The following NPHS1 variants were observed in gnomAD, a reference collection of about 807,000 sequenced individuals.
The protein encoded by NPHS1 is nephrin.
A neutral mutation model predicts 139.7 loss-of-function variants in NPHS1; 107 were observed. That is an observed-to-expected ratio of 0.77 (90% confidence interval 0.66 to 0.90). The LOEUF (loss-of-function observed/expected upper bound fraction) is 0.90. Ranked by LOEUF, NPHS1 falls within the 40% of genes least tolerant of loss-of-function variation. The probability of loss-of-function intolerance (pLI) is 0.00; values close to 1 mark genes in which losing one functional copy is unlikely to be tolerated. For missense variants in NPHS1, 1,580 were observed against 1,654.2 expected (o/e 0.96, Z 0.78); for synonymous variants, 707 against 706.6 (o/e 1.00, Z -0.01).
intron 22 of NPHS1, 63 bp downstream of exon 22, chr19:35,839,174 T>C (rs1973017644): frequency 6.7e-7 from 1 of 1,495,986 alleles, no homozygotes; most frequent in Middle Eastern, 1.9e-4. Context: ...AGTATTGACT[T>C]CACCATACTA....
At chr19:35,841,150 G>T (rs182592437) in intron 20 of NPHS1, among the ~76,000 whole-genome samples, 1 of 151,830 alleles carries the variant, frequency 6.6e-6, no homozygotes, top group Non-Finnish European at 1.5e-5. Flanking sequence ...AGGCTGAGGC[G>T]GGCAGATCAC....
At chr19:35,850,279 A>G in intron 5 of NPHS1, 85 bp downstream of exon 5, 3 of 1,068,986 alleles carry the variant, frequency 2.8e-6, no homozygotes, top group Non-Finnish European at 4.4e-6. Flanking sequence ...ACCTAGCCCA[A>G]GCTTCATGCT....
rs774932492 is a variant in NPHS1 at position 35,851,460 on chromosome 19, T to C, written c.271A>G (p.Arg91Gly). The C allele has an allele frequency of 6.2e-7, 1 of 1,613,422 alleles. No homozygotes were observed. The highest frequency in any genetic ancestry group is 8.5e-7 in the Non-Finnish European group (1 of 1,179,906). ...PRYRLEGDPA[R>G]GEFHLHIEAC... ...GTCTCAGGCTCTGATCCCTTACCTC[T>C]AGCAGGGTCCCCTTCCAGGCGGTAC... Residue 91 changes from arginine (R) to glycine (G), a missense_variant, in exon 2 of 29, where the codon AGA (arginine) becomes GGA (glycine). Arg to Gly is a moderately radical substitution (Grantham distance 125). Transcript: ENST00000378910.
rs529739292 is a variant in NPHS1 at position 35,844,017 on chromosome 19, G to C, written c.2212+86C>G. ...GTTCCAGGATGGGTGGCTATCCCTG[G>C]GTGGGCGGAGCTCCCACAATGAGGA... On this transcript the variant is annotated intron_variant, in intron 16 of 28. Transcript: ENST00000378910. 48 of 1,545,784 alleles carry C rather than the reference G, an allele frequency of 3.1e-5. No individual in the cohort carries two copies. The African/African-American group carries it at 4.7e-4, about 15-fold the overall frequency.
At chr19:35,841,384 A>C (rs1973053463) in intron 20 of NPHS1, among the ~76,000 whole-genome samples, 1 of 151,976 alleles carries the variant, frequency 6.6e-6, no homozygotes, top group South Asian at 2.1e-4. Flanking sequence ...AACAACAACA[A>C]CAACAACAAC....
chr19:35,851,975 C>T lies in NPHS1; in HGVS notation c.-138G>A. 2.8e-6 allele frequency: 2 copies of T among 727,106 alleles called. No homozygotes were observed. Among genetic ancestry groups the T allele is most frequent in the South Asian group, 3.2e-5 (2 of 62,006 alleles). The allele number at this position is 727,106 out of a possible 1,614,324, so 45.0% of individuals were successfully genotyped here. The stretch of plus-strand genomic sequence containing the variant: ...CTCTTTCCGTTACTCTCCTCCCTTT[C>T]TCGTTTTCCTCTTCCCCTCTTCCCT... On this transcript the variant is annotated 5_prime_UTR_variant, in exon 1 of 29. Transcript: ENST00000378910.
rs1230356353 is a variant in NPHS1, at chr19:35,842,106, G to T, written c.2663+18C>A. 6.3e-7 allele frequency: 1 copy of T among 1,598,082 alleles called. No homozygotes were observed. Among genetic ancestry groups the T allele is most frequent in the Non-Finnish European group, 8.5e-7 (1 of 1,173,332 alleles). On this transcript the variant is annotated intron_variant, in intron 19 of 28. Transcript: ENST00000378910. ...CAGACCTGGGGCTGGAGTGCTGCCTGGCTGGGCTTGGGCTCACCTGGGATC... is the reference window on the plus strand; with the variant it reads ...CAGACCTGGGGCTGGAGTGCTGCCTTGCTGGGCTTGGGCTCACCTGGGATC...
At chr19:35,832,941 G>A (rs530501131) in intron 23 of NPHS1, among the ~76,000 whole-genome samples, 2 of 148,006 alleles carry the variant, frequency 1.4e-5, no homozygotes. Context: ...CTGGAGTGCA[G>A]TGGCATGATC....
Position 35,826,413 on chromosome 19 carries a change from T to A in NPHS1, c.*101A>T, listed in dbSNP as rs1301306106. On this transcript the variant is annotated 3_prime_UTR_variant, in exon 29 of 29. Coordinates refer to ENST00000378910, the MANE Select transcript of NPHS1 (RefSeq NM_004646.4). ...TCTCCTGACACCAAGTCCCTTTGGGTTTTATGGAGCTCACCTAACCAGCTC... is the reference window on the plus strand; with the variant it reads ...TCTCCTGACACCAAGTCCCTTTGGGATTTATGGAGCTCACCTAACCAGCTC... 3 of 1,430,332 alleles carry A rather than the reference T, an allele frequency of 2.1e-6. No individual in the cohort carries two copies. The highest frequency in any genetic ancestry group is 2.9e-6 in the Non-Finnish European group (3 of 1,018,286). The allele number at this position is 1,430,332 out of a possible 1,614,324, so 88.6% of individuals were successfully genotyped here.
chr19:35,843,675 C>T, intron 16 of NPHS1, 82 bp from the exon 17 acceptor site: 3 of 1,566,248 alleles, frequency 1.9e-6, no homozygotes, highest in Non-Finnish European at 2.6e-6. Context: ...GGAGGGATGT[C>T]TTAGGGGTTC....
chr19:35,851,144 T>C, intron 3 of NPHS1, 55 bp from the exon 4 acceptor site: 1 of 1,613,644 alleles, frequency 6.2e-7, no homozygotes, highest in Non-Finnish European at 8.5e-7. Flanking sequence ...ACTTGAAGAT[T>C]GGAGTTCGGT....
chr19:35,845,364 A>T lies in NPHS1; in HGVS notation c.1930+4T>A, dbSNP rs1455609844. 2.5e-6 allele frequency: 4 copies of T among 1,614,244 alleles called. No individual in the cohort carries two copies. The highest frequency in any genetic ancestry group is 1.1e-5 in the South Asian group (1 of 91,092). Reference sequence around the variant, plus strand: ...GAGAGGGGCTTTCAGGCCGGGGCACATACACAGTACGTTGAGGCGATAGAA... The same window carrying T: ...GAGAGGGGCTTTCAGGCCGGGGCACTTACACAGTACGTTGAGGCGATAGAA... On this transcript the variant is annotated splice_donor_region_variant and intron_variant, in intron 14 of 28. Coordinates refer to ENST00000378910, the MANE Select transcript of NPHS1 (RefSeq NM_004646.4). The surrounding 1 kb of genome is among the most constrained non-coding windows in gnomAD (Gnocchi z 5.5).
chr19:35,841,335 C>T (rs1973052643), intron 20 of NPHS1, among the ~76,000 whole-genome samples: 1 of 151,980 alleles, frequency 6.6e-6, no homozygotes, highest in Non-Finnish European at 1.5e-5. Context: ...ATCGCGCCAT[C>T]GCACTCCAGC....
chr19:35,825,410 G>A lies in NPHS1; in HGVS notation c.*1104C>T, dbSNP rs373820113. On this transcript the variant is annotated 3_prime_UTR_variant, in exon 29 of 29. Coordinates refer to ENST00000378910, the MANE Select transcript of NPHS1 (RefSeq NM_004646.4). ...TCACTTTTATTGAGATATCATTTAT[G>A]TACAATAAAAATGCACCCATCTTAA... is the stretch of plus-strand genomic sequence containing the variant. Among the ~76,000 whole-genome samples, 1 of 152,062 alleles carries A rather than the reference G, an allele frequency of 6.6e-6. No homozygotes were observed. The highest frequency in any genetic ancestry group is 1.9e-4 in the East Asian group (1 of 5,192).
At position 35,851,917 on chromosome 19, in the gene NPHS1, T is replaced by A; in HGVS notation, c.-80A>T. The stretch of plus-strand genomic sequence containing the variant: ...GTCTGGCTTTCTCTGGGTCCCTCTC[T>A]GTGTGTCTCTGCCACCTGCTTTTCT... On this transcript the variant is annotated 5_prime_UTR_variant, in exon 1 of 29. Transcript: ENST00000378910. 8.3e-7 allele frequency: 1 copy of A among 1,201,336 alleles called. No homozygotes were observed. Among genetic ancestry groups the A allele is most frequent in the Non-Finnish European group, 1.2e-6 (1 of 829,276 alleles). The allele number at this position is 1,201,336 out of a possible 1,614,324, so 74.4% of individuals were successfully genotyped here.
intron 23 of NPHS1, among the ~76,000 whole-genome samples, chr19:35,835,199 CAAAAAAAA>C (rs71167570): frequency 1.3e-4 from 9 of 71,228 alleles, no homozygotes; most frequent in African/African-American, 4.3e-4. Context: ...GACTCTGTCT[CAAAAAAAA>C]AAAAAAAAAA....
intron 23 of NPHS1, 56 bp downstream of exon 23, chr19:35,835,649 A>G: frequency 1.4e-6 from 2 of 1,469,440 alleles, no homozygotes; most frequent in Non-Finnish European, 1.9e-6. Flanking sequence ...AGGGTCAGAG[A>G]CCAGGAGGTT....
rs551204205 is a variant in NPHS1 at position 35,852,216 on chromosome 19, A to G, written c.-379T>C. Reference sequence around the variant, plus strand: ...AGTGTTGGGATTACAGGCGTGAGCCACTGCGCCCAGTCTCTTTATCTTTCC... The same window carrying G: ...AGTGTTGGGATTACAGGCGTGAGCCGCTGCGCCCAGTCTCTTTATCTTTCC... On this transcript the variant is annotated 5_prime_UTR_variant, in exon 1 of 29. Coordinates refer to ENST00000378910, the MANE Select transcript of NPHS1 (RefSeq NM_004646.4). Among the ~76,000 whole-genome samples the G allele has an allele frequency of 2.0e-5, 3 of 149,776 alleles. No homozygotes were observed. The highest frequency in any genetic ancestry group is 6.7e-5 in the Admixed American group (1 of 14,954).
intron 23 of NPHS1, among the ~76,000 whole-genome samples, chr19:35,831,982 T>G (rs1414622633): frequency 6.6e-6 from 1 of 152,204 alleles, no homozygotes; most frequent in Non-Finnish European, 1.5e-5. Flanking sequence ...GCTTGAACTC[T>G]GCAAACTCAG....
Sources: gnomAD v4.1 joint callset for allele counts (sites outside exome capture counted in the v4.1 genomes callset) on GRCh38, gnomAD v4.1.1 for gene constraint, Gnocchi (gnomAD v3.1) non-coding constraint, MANE v1.5 for transcripts, NCBI Gene and HGNC (gene_info 2026-07-23, HGNC 2026-07-21) for gene names.